DPYD: variants seen among roughly 807,000 people sequenced by gnomAD.
The protein encoded by DPYD is dihydropyrimidine dehydrogenase [NADP(+)].
Under a neutral mutation model 116.2 loss-of-function variants are expected in DPYD, and 109 were observed. The ratio of observed to expected loss-of-function variants is 0.94; its 90% CI spans 0.80 to 1.10. The LOEUF is 1.10. Ranked by LOEUF, DPYD falls within the 50% of genes least tolerant of loss-of-function variation. The pLI, the probability that DPYD is intolerant of heterozygous loss-of-function variation, is 0.00. For synonymous variants in DPYD, 440 were observed against 432.0 expected, an observed-to-expected ratio of 1.02 and a Z score of -0.23; for missense variants, 1,302 against 1,254.5, an observed-to-expected ratio of 1.04 and a Z score of -0.57.
chr1:97,233,345 C>A (rs890145832), intron 19 of DPYD, among the ~76,000 whole-genome samples: 1 of 152,124 alleles, frequency 6.6e-6, no homozygotes, highest in Non-Finnish European at 1.5e-5. Flanking sequence ...ACTAGACCTC[C>A]TCTACTACTA....
intron 14 of DPYD, among the ~76,000 whole-genome samples, chr1:97,439,024 C>A (rs1675613202): frequency 6.6e-6 from 1 of 151,930 alleles, no homozygotes; most frequent in South Asian, 2.1e-4. Context: ...TTGTACATAC[C>A]CTTCATCAAG....
intron 3 of DPYD, among the ~76,000 whole-genome samples, chr1:97,747,934 T>A (rs922561061): frequency 1.3e-5 from 2 of 152,174 alleles, no homozygotes; most frequent in Admixed American, 6.5e-5. Context: ...TTTTTAAAGA[T>A]TATACCCTTA....
chr1:97,507,631 A>C (rs550694993), intron 13 of DPYD, among the ~76,000 whole-genome samples: 2 of 152,158 alleles, frequency 1.3e-5, no homozygotes, highest in African/African-American at 4.8e-5. Context: ...CCAGGCTCTA[A>C]AATATTATTA....
At chr1:97,536,567 T>C (rs967587179) in intron 12 of DPYD, among the ~76,000 whole-genome samples, 6 of 152,222 alleles carry the variant, frequency 3.9e-5, no homozygotes, top group Middle Eastern at 3.2e-3. Flanking sequence ...GACATATCGA[T>C]GATGCCCTTT....
At chr1:97,257,660 A>T (rs1663591738) in intron 18 of DPYD, among the ~76,000 whole-genome samples, 1 of 151,948 alleles carries the variant, frequency 6.6e-6, no homozygotes, top group Admixed American at 6.6e-5. Flanking sequence ...ATTTGAAAAA[A>T]TTCTAAATTT....
At chr1:97,892,369 C>T (rs1175109231) in intron 1 of DPYD, among the ~76,000 whole-genome samples, 1 of 151,792 alleles carries the variant, frequency 6.6e-6, no homozygotes, top group South Asian at 2.1e-4. Context: ...AGTTATCCCA[C>T]GCTTCTCCAT....
chr1:97,880,720 A>G (rs1672168928), intron 2 of DPYD, among the ~76,000 whole-genome samples: 1 of 151,992 alleles, frequency 6.6e-6, no homozygotes, highest in African/African-American at 2.4e-5. Context: ...ATCAATATTA[A>G]TATTTCATTT....
chr1:97,692,377 G>A (rs1661054431), intron 6 of DPYD, among the ~76,000 whole-genome samples: 1 of 124,464 alleles, frequency 8.0e-6, no homozygotes, highest in Non-Finnish European at 1.8e-5. Flanking sequence ...CAAAAGTTCA[G>A]TCATTAAAAA....
At chr1:97,710,743 T>C (rs1044700572) in intron 5 of DPYD, among the ~76,000 whole-genome samples, 4 of 151,738 alleles carry the variant, frequency 2.6e-5, no homozygotes, top group Non-Finnish European at 5.9e-5. Flanking sequence ...GACTCTCCAG[T>C]AACTAGCTCC....
At chr1:97,832,316 C>T (rs573568860) in intron 2 of DPYD, among the ~76,000 whole-genome samples, 19 of 152,192 alleles carry the variant, frequency 1.2e-4, no homozygotes, top group African/African-American at 4.6e-4. Context: ...CAGACTCAAA[C>T]TCCTCGCGAG....
intron 13 of DPYD, among the ~76,000 whole-genome samples, chr1:97,474,723 T>C (rs1677856455): frequency 6.6e-6 from 1 of 151,980 alleles, no homozygotes; most frequent in Non-Finnish European, 1.5e-5. Flanking sequence ...AAAATGCATG[T>C]AGATATTTAA....
At chr1:97,608,543 T>C (rs982061857) in intron 8 of DPYD, among the ~76,000 whole-genome samples, 13 of 151,910 alleles carry the variant, frequency 8.6e-5, no homozygotes, top group Non-Finnish European at 1.6e-4. Context: ...TCGGTTTCCC[T>C]ACCTACTAGC....
rs994596423 is a variant in DPYD at position 97,299,846 on chromosome 1, T to A, written c.2299+5413A>T. Reference sequence around the variant, plus strand: ...ATCTATTATTAGGGCCCTGGTCTCCTGCACAGACCAACGATGGCTAAACAG... The same window carrying A: ...ATCTATTATTAGGGCCCTGGTCTCCAGCACAGACCAACGATGGCTAAACAG... On this transcript the variant is annotated intron_variant, in intron 18 of 22. Transcript: ENST00000370192. Among the ~76,000 whole-genome samples, 4 of 152,090 alleles carry A rather than the reference T, an allele frequency of 2.6e-5. No individual in the cohort carries two copies. In the South Asian group the frequency reaches 8.3e-4, roughly 32 times the overall value.
At chr1:97,430,783 G>A (rs1675132872) in intron 14 of DPYD, among the ~76,000 whole-genome samples, 1 of 152,112 alleles carries the variant, frequency 6.6e-6, no homozygotes, top group South Asian at 2.1e-4. Flanking sequence ...ATAGAAGTAT[G>A]ATTATCCTTC....
intron 3 of DPYD, among the ~76,000 whole-genome samples, chr1:97,762,614 C>T (rs1665637732): frequency 6.6e-6 from 1 of 152,066 alleles, no homozygotes; most frequent in African/African-American, 2.4e-5. Flanking sequence ...AAATCCTCTC[C>T]TTCTTAACCT....
chr1:97,144,658 T>G (rs1355463880), intron 20 of DPYD, among the ~76,000 whole-genome samples: 2 of 152,204 alleles, frequency 1.3e-5, no homozygotes, highest in Non-Finnish European at 2.9e-5. Flanking sequence ...CTTGGGATTG[T>G]TATGACTCCT....
intron 2 of DPYD, among the ~76,000 whole-genome samples, chr1:97,880,031 T>C (rs1485324135): frequency 6.6e-6 from 1 of 151,674 alleles, no homozygotes. Context: ...TAGATATCTA[T>C]ATATAGAGAG....
At chr1:97,630,316 G>GT (rs1230058547) in intron 8 of DPYD, among the ~76,000 whole-genome samples, 1 of 151,472 alleles carries the variant, frequency 6.6e-6, no homozygotes, top group East Asian at 1.9e-4. Context: ...AGTTACTTTT[G>GT]TTTTGTTTTT....
At chr1:97,586,465 C>CATAT (rs57301424) in intron 10 of DPYD, among the ~76,000 whole-genome samples, 42 of 34,312 alleles carry the variant, frequency 1.2e-3, no homozygotes, top group South Asian at 2.9e-3. Flanking sequence ...TACATACATA[C>CATAT]ATATATATAT....
Sources: allele counts gnomAD v4.1 joint callset (sites outside exome capture counted in the v4.1 genomes callset), GRCh38; gene constraint gnomAD v4.1.1; transcripts MANE v1.5; gene names NCBI Gene and HGNC (gene_info 2026-07-23, HGNC 2026-07-21).